GPR139: variants seen among roughly 807,000 people sequenced by gnomAD.
The protein encoded by GPR139 is probable G protein-coupled receptor 139.
Under a neutral mutation model 25.8 loss-of-function variants are expected in GPR139, and 12 were observed. The observed-to-expected ratio is 0.47, with a 90% CI of 0.30 to 0.75. The LOEUF is 0.75. Ranked by LOEUF, GPR139 falls within the 30% of genes least tolerant of loss-of-function variation. The pLI is 0.07. For missense variants in GPR139, 380 were observed against 450.2 expected (o/e 0.84, Z 1.41); for synonymous variants, 184 against 179.9 (o/e 1.02, Z -0.18).
chr16:20,053,173 A>T (rs2608178), intron 1 of GPR139, among the ~76,000 whole-genome samples: 1 of 152,000 alleles, frequency 6.6e-6, no homozygotes, highest in African/African-American at 2.4e-5. Flanking sequence ...GCCAAGTCTG[A>T]TCAACTCTAA....
chr16:20,072,369 A>G (rs2057462691), intron 1 of GPR139, among the ~76,000 whole-genome samples: 1 of 152,154 alleles, frequency 6.6e-6, no homozygotes, highest in Admixed American at 6.5e-5. Context: ...TCAGAAATCC[A>G]GCTCCCAAGT....
Position 20,031,974 on chromosome 16 carries a change from G to A in GPR139, c.823C>T (p.Leu275Phe). ...AAGAAGTTGATGGCTGTGTTCAGAA[G>A]GGCTAGCATGTTGGCAATGTCGGAC... is the stretch of plus-strand genomic sequence containing the variant. ...IMSDIANMLA[L>F]LNTAINFFLY... The change falls in exon 2 of 2, where the codon CTT becomes TTT. Residue 275 changes from leucine to phenylalanine, a missense_variant. Leu to Phe is a conservative substitution (Grantham distance 22). Coordinates refer to ENST00000570682, the MANE Select transcript of GPR139 (RefSeq NM_001002911.4). 1.2e-6 allele frequency: 2 copies of A among 1,614,202 alleles called. No individual in the cohort carries two copies. Among genetic ancestry groups the A allele is most frequent in the Non-Finnish European group, 1.7e-6 (2 of 1,180,034 alleles).
At chr16:20,041,886 C>T (rs1360200221) in intron 1 of GPR139, among the ~76,000 whole-genome samples, 1 of 152,192 alleles carries the variant, frequency 6.6e-6, no homozygotes, top group Non-Finnish European at 1.5e-5. Context: ...GTGGTACCCT[C>T]CTACCATGGG....
chr16:20,036,805 T>A (rs1283481837), intron 1 of GPR139, among the ~76,000 whole-genome samples: 1 of 152,082 alleles, frequency 6.6e-6, no homozygotes, highest in Non-Finnish European at 1.5e-5. Context: ...GTTCTGAGGG[T>A]TAAGTGAGAT....
intron 1 of GPR139, among the ~76,000 whole-genome samples, chr16:20,048,069 A>G (rs552203148): frequency 6.6e-6 from 1 of 152,326 alleles, no homozygotes; most frequent in South Asian, 2.1e-4. Flanking sequence ...CCTGGCATAC[A>G]GTAGGTTCTC....
At chr16:20,041,453 T>C (rs931668299) in intron 1 of GPR139, among the ~76,000 whole-genome samples, 1 of 151,644 alleles carries the variant, frequency 6.6e-6, no homozygotes, top group African/African-American at 2.4e-5. Context: ...GCAATGCCGT[T>C]GTTTAGATCA....
chr16:20,055,590 C>T (rs957902177), intron 1 of GPR139, among the ~76,000 whole-genome samples: 3 of 152,238 alleles, frequency 2.0e-5, no homozygotes, highest in Non-Finnish European at 4.4e-5. Flanking sequence ...ACAGTTACTA[C>T]CTGGTTTGTG....
chr16:20,039,449 A>G (rs149059348), intron 1 of GPR139, among the ~76,000 whole-genome samples: 1 of 152,304 alleles, frequency 6.6e-6, no homozygotes, highest in East Asian at 1.9e-4. Flanking sequence ...TGTTTTTTCA[A>G]TTACAAAAGT....
chr16:20,033,603 G>C (rs1567234372), intron 1 of GPR139, among the ~76,000 whole-genome samples: 1 of 152,114 alleles, frequency 6.6e-6, no homozygotes, highest in Non-Finnish European at 1.5e-5. Context: ...TTTTTAAGTA[G>C]ATTTAAAATT....
At chr16:20,038,464 TA>T (rs34278409) in intron 1 of GPR139, among the ~76,000 whole-genome samples, 2 of 151,890 alleles carry the variant, frequency 1.3e-5, no homozygotes, top group African/African-American at 4.8e-5. Flanking sequence ...CGAAGCTCTT[TA>T]AAAGTATTCC....
At chr16:20,037,267 C>A (rs1358966877) in intron 1 of GPR139, among the ~76,000 whole-genome samples, 1 of 152,000 alleles carries the variant, frequency 6.6e-6, no homozygotes, top group Non-Finnish European at 1.5e-5. Context: ...GCCTGGCCAA[C>A]ATGGTGAAAC....
intron 1 of GPR139, among the ~76,000 whole-genome samples, chr16:20,039,669 G>A (rs1482960558): frequency 1.3e-5 from 2 of 152,156 alleles, no homozygotes; most frequent in African/African-American, 2.4e-5. Flanking sequence ...ACTTGTTTGA[G>A]ATCACACAGC....
At position 20,073,860 on chromosome 16, in the gene GPR139, G is replaced by C; in HGVS notation, c.-244C>G. On this transcript the variant is annotated 5_prime_UTR_variant, in exon 1 of 2. Coordinates refer to ENST00000570682, the MANE Select transcript of GPR139 (RefSeq NM_001002911.4). The surrounding 1 kb of genome is among the most constrained non-coding windows in gnomAD (Gnocchi z 4.7). ...CAGGGTGCGGGGCGCGCTGCGCGGG[G>C]CCTCGGGAGGGGCTCCCGGAGCCCG... is the stretch of plus-strand genomic sequence containing the variant. 1 of 453,316 alleles carries C rather than the reference G, an allele frequency of 2.2e-6. No homozygotes were observed. Among genetic ancestry groups the C allele is most frequent in the Non-Finnish European group, 3.8e-6 (1 of 262,708 alleles). 28.1% of individuals were successfully genotyped at this position (453,316 alleles called of 1,614,324 possible). A position where few individuals can be genotyped will look rare whatever the true frequency, so the allele number is the denominator to read the frequency against.
In GPR139 at chr16:20,072,461, A is replaced by AT. The variant is rs1056757909; in HGVS notation, c.127+1028dup. On this transcript the variant is annotated intron_variant, in intron 1 of 1. Coordinates refer to ENST00000570682, the MANE Select transcript of GPR139 (RefSeq NM_001002911.4). ...GCTAAGATTTCAGGCTGTACACTGG[A>AT]TTTTTTTTCTCTCTTTCTCTCTGCT... Among the ~76,000 whole-genome samples the AT allele has an allele frequency of 1.4e-4, 22 of 151,920 alleles. 1 individual carries two copies. The highest frequency in any genetic ancestry group is 4.6e-4 in the African/African-American group (19 of 41,430).
intron 1 of GPR139, among the ~76,000 whole-genome samples, chr16:20,055,189 T>G (rs936704431): frequency 1.3e-5 from 2 of 152,246 alleles, no homozygotes; most frequent in Non-Finnish European, 2.9e-5. Context: ...CTTAGAAGCA[T>G]GAACATGCAG....
Position 20,073,334 on chromosome 16 carries a change from T to A in GPR139, c.127+156A>T, listed in dbSNP as rs1414534238. ...CCCCAGCTAGGGCACAGCAACTTCCTTTCCCCCCGTGTGGAAATATCCATA... is the reference window on the plus strand; with the variant it reads ...CCCCAGCTAGGGCACAGCAACTTCCATTCCCCCCGTGTGGAAATATCCATA... On this transcript the variant is annotated intron_variant, in intron 1 of 1. Transcript: ENST00000570682. This position sits in a 1 kb window ranked among gnomAD's most constrained non-coding sequence, Gnocchi z 4.7. 6.6e-6 allele frequency among the ~76,000 whole-genome samples: 1 copy of A among 151,652 alleles called. No homozygotes were observed.
At position 20,032,440 on chromosome 16, in the gene GPR139, A is replaced by T. The variant is rs1441116864; in HGVS notation, c.357T>A (p.Thr119=). Residue 119 remains threonine, a synonymous_variant, in exon 2 of 2, where the codon ACT becomes ACA. Coordinates refer to ENST00000570682, the MANE Select transcript of GPR139 (RefSeq NM_001002911.4). ...TATACCTGTCAATGGTTAACGGTAC[A>T]GTAATCCATATGGAGGTGTGGATGG... The part of the protein sequence containing the change: ...FSSIHTSIWI[T]VPLTIDRYIA... The T allele has an allele frequency of 6.2e-7, 1 of 1,614,206 alleles. No individual in the cohort carries two copies. The highest frequency in any genetic ancestry group is 1.7e-5 in the Admixed American group (1 of 60,028).
chr16:20,040,800 T>C lies in GPR139; in HGVS notation c.128-8131A>G, dbSNP rs116271967. Among the ~76,000 whole-genome samples, 1,460 of 152,258 alleles carry C rather than the reference T, an allele frequency of 9.6e-3. 21 individuals are homozygous for C. The highest frequency in any genetic ancestry group is 0.033 in the African/African-American group (1,370 of 41,560). On this transcript the variant is annotated intron_variant, in intron 1 of 1. Transcript: ENST00000570682. The stretch of plus-strand genomic sequence containing the variant: ...GGTTAGATGTCAAGAAGAACTTTTT[T>C]GATTGCAATGGCAGTTATGTGAAGA...
chr16:20,038,333 G>A lies in GPR139; in HGVS notation c.128-5664C>T, dbSNP rs936989685. 8.0e-3 allele frequency among the ~76,000 whole-genome samples: 427 copies of A among 53,108 alleles called. 2 individuals are homozygous for A. The highest frequency in any genetic ancestry group is 0.022 in the African/African-American group (336 of 15,054). 34.8% of individuals were successfully genotyped at this position (53,108 alleles called of 152,430 possible). ...AAGTTCCTGGATAATATATATATGTGTGTGTGTGTGTGTGTGTGTGTGTGT... is the reference window on the plus strand; with the variant it reads ...AAGTTCCTGGATAATATATATATGTATGTGTGTGTGTGTGTGTGTGTGTGT... On this transcript the variant is annotated intron_variant, in intron 1 of 1. Coordinates refer to ENST00000570682, the MANE Select transcript of GPR139 (RefSeq NM_001002911.4).
Sources: allele counts gnomAD v4.1 joint callset (sites outside exome capture counted in the v4.1 genomes callset), GRCh38; gene constraint gnomAD v4.1.1; non-coding constraint Gnocchi (gnomAD v3.1); transcripts MANE v1.5; gene names NCBI Gene and HGNC (gene_info 2026-07-23, HGNC 2026-07-21).